Variants in FBXL7 observed in about 807,000 individuals in gnomAD.
FBXL7 encodes the protein F-box/LRR-repeat protein 7.
Under a neutral mutation model 38.3 loss-of-function variants are expected in FBXL7, and 12 were observed. The ratio of observed to expected loss-of-function variants is 0.31; its 90% confidence interval spans 0.20 to 0.51. The LOEUF (loss-of-function observed/expected upper bound fraction) is 0.51. Among genes scored for constraint, FBXL7 ranks in the 20% least tolerant of loss-of-function variants. FBXL7 has a pLI of 0.98. For synonymous variants in FBXL7, 297 were observed against 300.9 expected, an observed-to-expected ratio of 0.99 and a Z score of 0.13; for missense variants, 567 against 676.4, an observed-to-expected ratio of 0.84 and a Z score of 1.79.
At chr5:15,845,876 C>T (rs1360669041) in intron 2 of FBXL7, among the ~76,000 whole-genome samples, 1 of 152,138 alleles carries the variant, frequency 6.6e-6, no homozygotes, top group East Asian at 1.9e-4. Context: ...GAGGCTGAGG[C>T]AGGAGAATGG....
intron 2 of FBXL7, among the ~76,000 whole-genome samples, chr5:15,709,498 C>T (rs11948766): frequency 2.3e-3 from 345 of 150,438 alleles, no homozygotes; most frequent in African/African-American, 7.9e-3. Context: ...TGTGCCACTA[C>T]ACTCCACCCT....
In FBXL7 at chr5:15,742,120, A is replaced by G. The variant is rs181465717; in HGVS notation, c.127+126048A>G. ...GTTTTTAGAGATGTTTTTATCCAAA[A>G]CTACTTAATAAGGGGAGATTTATAT... On this transcript the variant is annotated intron_variant, in intron 2 of 3. Transcript: ENST00000504595. Among the ~76,000 whole-genome samples, 776 of 152,292 alleles carry G rather than the reference A, an allele frequency of 5.1e-3. 3 individuals carry two copies. Among genetic ancestry groups the G allele is most frequent in the African/African-American group, 0.017 (719 of 41,558 alleles).
rs1281297725 is a variant in FBXL7, at chr5:15,500,431, A to T, written c.-246A>T. The T allele has an allele frequency of 1.3e-5, 6 of 470,126 alleles. No individual in the cohort carries two copies. Among genetic ancestry groups the T allele is most frequent in the Admixed American group, 4.6e-5 (1 of 21,882 alleles). The allele number at this position is 470,126 out of a possible 1,614,324, so 29.1% of individuals were successfully genotyped here. ...CGCGGCGCTGCGCCCGCCGGCCCCC[A>T]GCGCGGATTGTAAGTGCTGCAGCTG... On this transcript the variant is annotated 5_prime_UTR_variant, in exon 1 of 4. Transcript: ENST00000504595.
intron 2 of FBXL7, among the ~76,000 whole-genome samples, chr5:15,655,501 AAAAAAG>A (rs947355815): frequency 6.6e-5 from 10 of 152,170 alleles, no homozygotes; most frequent in East Asian, 1.9e-4. Context: ...CTCAAAAAAA[AAAAAAG>A]AAAAGAAAAG....
At chr5:15,878,946 T>A (rs1193697020) in intron 2 of FBXL7, among the ~76,000 whole-genome samples, 1 of 152,176 alleles carries the variant, frequency 6.6e-6, no homozygotes. Context: ...TTTGCATTAG[T>A]ATCAGAAAGC....
chr5:15,738,288 T>C (rs1223071962), intron 2 of FBXL7, among the ~76,000 whole-genome samples: 1 of 152,174 alleles, frequency 6.6e-6, no homozygotes, highest in Non-Finnish European at 1.5e-5. Context: ...TAAAATAATA[T>C]AATAAAGAAA....
chr5:15,820,459 A>G (rs1417023554), intron 2 of FBXL7, among the ~76,000 whole-genome samples: 1 of 151,852 alleles, frequency 6.6e-6, no homozygotes, highest in Non-Finnish European at 1.5e-5. Flanking sequence ...AATCACTTAA[A>G]CTTGGTGCAG....
intron 2 of FBXL7, among the ~76,000 whole-genome samples, chr5:15,878,520 A>G (rs931787019): frequency 7.2e-5 from 11 of 152,124 alleles, no homozygotes; most frequent in Non-Finnish European, 1.2e-4. Context: ...TCTTCAAACT[A>G]TTTATAATTA....
rs1741404764 is a variant in FBXL7, at chr5:15,909,503, T to G, written c.128-18387T>G. 4.9e-5 allele frequency among the ~76,000 whole-genome samples: 2 copies of G among 41,156 alleles called. 1 individual carries two copies. The highest frequency in any genetic ancestry group is 2.8e-4 in the Admixed American group (2 of 7,018). 27.0% of individuals were successfully genotyped at this position (41,156 alleles called of 152,430 possible). A position where few individuals can be genotyped will look rare whatever the true frequency, so the allele number is the denominator to read the frequency against. ...ATTCATTGATTTTTTGAAGGGTTTTTTGTGTGTGTCTCTATTTCCTTCAGT... is the reference window on the plus strand; with the variant it reads ...ATTCATTGATTTTTTGAAGGGTTTTGTGTGTGTGTCTCTATTTCCTTCAGT... On this transcript the variant is annotated intron_variant, in intron 2 of 3. Coordinates refer to ENST00000504595, the MANE Select transcript of FBXL7 (RefSeq NM_012304.5).
chr5:15,729,612 A>C (rs1451915739), intron 2 of FBXL7, among the ~76,000 whole-genome samples: 1 of 152,164 alleles, frequency 6.6e-6, no homozygotes, highest in Non-Finnish European at 1.5e-5. Context: ...AGTAATGTTT[A>C]TCTTTTTAAA....
intron 2 of FBXL7, among the ~76,000 whole-genome samples, chr5:15,815,880 T>C (rs1425882670): frequency 1.3e-5 from 2 of 152,174 alleles, no homozygotes; most frequent in South Asian, 2.1e-4. Flanking sequence ...CATTTCAAAC[T>C]GTCTGGAAAG....
chr5:15,524,634 A>G (rs1382232448), intron 1 of FBXL7, among the ~76,000 whole-genome samples: 1 of 152,176 alleles, frequency 6.6e-6, no homozygotes, highest in Non-Finnish European at 1.5e-5. Flanking sequence ...GGAACAATAA[A>G]TCATGCTGTT....
At chr5:15,771,431 A>G (rs1736724496) in intron 2 of FBXL7, among the ~76,000 whole-genome samples, 3 of 152,196 alleles carry the variant, frequency 2.0e-5, no homozygotes, top group Non-Finnish European at 4.4e-5. Context: ...TTGTGATATC[A>G]CTTTATTCAG....
chr5:15,570,906 A>C (rs1241810638), intron 1 of FBXL7, among the ~76,000 whole-genome samples: 1 of 152,140 alleles, frequency 6.6e-6, no homozygotes. Context: ...CAGGCTGACC[A>C]ACATGGAGAA....
At chr5:15,621,602 T>G (rs1256763770) in intron 2 of FBXL7, among the ~76,000 whole-genome samples, 1 of 152,162 alleles carries the variant, frequency 6.6e-6, no homozygotes, top group East Asian at 1.9e-4. Flanking sequence ...AGCCTCAGCT[T>G]CTTTCATAGA....
Position 15,605,671 on chromosome 5 carries a change from G to C in FBXL7, c.38-10312G>C, listed in dbSNP as rs553454750. The stretch of plus-strand genomic sequence containing the variant: ...TTGGAAATAGTGAAGATGGTTGCAC[G>C]CATTATGAATGTAATTAATGCAATT... On this transcript the variant is annotated intron_variant, in intron 1 of 3. Transcript: ENST00000504595. Among the ~76,000 whole-genome samples, 21 of 152,248 alleles carry C rather than the reference G, an allele frequency of 1.4e-4. No homozygotes were observed. In the East Asian group the frequency reaches 3.9e-3, roughly 28 times the overall value.
In FBXL7 at chr5:15,603,614, C is replaced by T. The variant is rs371179296; in HGVS notation, c.38-12369C>T. Among the ~76,000 whole-genome samples, 9 of 152,356 alleles carry T rather than the reference C, an allele frequency of 5.9e-5. No individual in the cohort carries two copies. In the East Asian group the frequency reaches 1.7e-3, roughly 29 times the overall value. On this transcript the variant is annotated intron_variant, in intron 1 of 3. Coordinates refer to ENST00000504595, the MANE Select transcript of FBXL7 (RefSeq NM_012304.5). ...CGATTTTAAAGAATTCATCTGTGAA[C>T]TGCATCCTGGATCACTCCAGTTATA...
At chr5:15,796,183 A>G (rs1251103862) in intron 2 of FBXL7, among the ~76,000 whole-genome samples, 1 of 152,184 alleles carries the variant, frequency 6.6e-6, no homozygotes, top group East Asian at 1.9e-4. Context: ...TTTTTCTATG[A>G]ATTATAACGA....
intron 1 of FBXL7, among the ~76,000 whole-genome samples, chr5:15,575,458 G>A (rs896025164): frequency 2.0e-5 from 3 of 152,102 alleles, no homozygotes; most frequent in African/African-American, 7.2e-5. Flanking sequence ...GGTTATAATA[G>A]CTTTCTGTTT....
Sources: gnomAD v4.1 joint callset for allele counts (sites outside exome capture counted in the v4.1 genomes callset) on GRCh38, gnomAD v4.1.1 for gene constraint, MANE v1.5 for transcripts, NCBI Gene and HGNC (gene_info 2026-07-23, HGNC 2026-07-21) for gene names.